GAREM1: variants seen among roughly 807,000 people sequenced by gnomAD.
GAREM1 encodes GRB2-associated and regulator of MAPK protein 1.
In GAREM1, 26 loss-of-function variants were observed where a neutral mutation model predicts 71.3. That is an observed-to-expected ratio of 0.36 (90% CI 0.27 to 0.51). The LOEUF is 0.51. Among genes scored for constraint, GAREM1 ranks in the 20% least tolerant of loss-of-function variants. The pLI, the probability that GAREM1 is intolerant of heterozygous loss-of-function variation, is 0.95. For missense variants in GAREM1, 1,026 were observed against 1,103.1 expected, an observed-to-expected ratio of 0.93 and a Z score of 0.99; for synonymous variants, 440 against 433.2, an observed-to-expected ratio of 1.02 and a Z score of -0.20.
At chr18:32,299,512 T>TAAAA (rs1453355255) in intron 3 of GAREM1, among the ~76,000 whole-genome samples, 1 of 43,532 alleles carries the variant, frequency 2.3e-5, no homozygotes, top group Non-Finnish European at 3.8e-5. Context: ...AGACCCCATC[T>TAAAA]CAAAAAAAAA....
chr18:32,345,190 C>T (rs555891908), intron 2 of GAREM1, among the ~76,000 whole-genome samples: 45 of 152,306 alleles, frequency 3.0e-4, no homozygotes, highest in African/African-American at 1.0e-3. Context: ...AGTTAGCTCT[C>T]AATTCTCCAA....
chr18:32,330,670 A>C (rs530738465), intron 2 of GAREM1, among the ~76,000 whole-genome samples: 18 of 138,844 alleles, frequency 1.3e-4, no homozygotes, highest in Non-Finnish European at 2.6e-4. Context: ...CAAAGAAAAA[A>C]GGCACAATAA....
chr18:32,284,979 G>A (rs1290202363), intron 4 of GAREM1, among the ~76,000 whole-genome samples: 1 of 151,926 alleles, frequency 6.6e-6, no homozygotes, highest in Non-Finnish European at 1.5e-5. Flanking sequence ...TCGATCTCCT[G>A]ACCTCATGAT....
chr18:32,442,392 G>C (rs1407227791), intron 1 of GAREM1, among the ~76,000 whole-genome samples: 3 of 152,090 alleles, frequency 2.0e-5, no homozygotes, highest in Non-Finnish European at 4.4e-5. Context: ...TGATATTTCA[G>C]GGTAGCAGAA....
intron 2 of GAREM1, among the ~76,000 whole-genome samples, chr18:32,348,665 A>G (rs1466087341): frequency 6.6e-6 from 1 of 152,192 alleles, no homozygotes; most frequent in Non-Finnish European, 1.5e-5. Flanking sequence ...CAGACGTTTC[A>G]GTGAGCAAGA....
chr18:32,452,565 G>A (rs2048850310), intron 1 of GAREM1, among the ~76,000 whole-genome samples: 1 of 152,152 alleles, frequency 6.6e-6, no homozygotes, highest in Admixed American at 6.5e-5. Flanking sequence ...CCTCTGGGCT[G>A]AAGCATTTCC....
chr18:32,285,527 C>T (rs1167102308), intron 4 of GAREM1, among the ~76,000 whole-genome samples: 1 of 152,204 alleles, frequency 6.6e-6, no homozygotes, highest in East Asian at 1.9e-4. Flanking sequence ...GCTCATGCTG[C>T]TCTGTCCGGA....
intron 1 of GAREM1, among the ~76,000 whole-genome samples, chr18:32,414,948 T>G (rs1168444670): frequency 1.3e-5 from 2 of 151,160 alleles, no homozygotes; most frequent in Non-Finnish European, 3.0e-5. Context: ...TAAACAAAAC[T>G]GACAAACCTT....
chr18:32,297,727 T>C (rs900814654), intron 3 of GAREM1, among the ~76,000 whole-genome samples: 2 of 152,232 alleles, frequency 1.3e-5, no homozygotes, highest in Non-Finnish European at 2.9e-5. Context: ...ATTCAAAATA[T>C]ACAATTTTAG....
intron 1 of GAREM1, among the ~76,000 whole-genome samples, chr18:32,434,370 T>C (rs896278447): frequency 2.6e-5 from 4 of 152,096 alleles, no homozygotes; most frequent in Non-Finnish European, 5.9e-5. Flanking sequence ...CTGTCACTAG[T>C]TGTAATAAGC....
At chr18:32,298,164 T>A (rs1259253579) in intron 3 of GAREM1, among the ~76,000 whole-genome samples, 1 of 152,194 alleles carries the variant, frequency 6.6e-6, no homozygotes, top group Non-Finnish European at 1.5e-5. Context: ...CCTACTCTCA[T>A]ACATAAAAAT....
intron 1 of GAREM1, among the ~76,000 whole-genome samples, chr18:32,427,062 C>A (rs2048582726): frequency 6.6e-6 from 1 of 151,574 alleles, no homozygotes; most frequent in African/African-American, 2.4e-5. Context: ...AAATTTTAAT[C>A]CATTCTATTC....
chr18:32,339,310 C>T (rs1188080690), intron 2 of GAREM1, among the ~76,000 whole-genome samples: 4 of 152,192 alleles, frequency 2.6e-5, no homozygotes, highest in African/African-American at 9.7e-5. Flanking sequence ...CTGATAAGTG[C>T]CTGGAAGAAG....
At chr18:32,464,848 C>G (rs1428160760) in intron 1 of GAREM1, among the ~76,000 whole-genome samples, 1 of 139,020 alleles carries the variant, frequency 7.2e-6, no homozygotes, top group Non-Finnish European at 1.6e-5. Context: ...ATGTAAGCAC[C>G]ACAAAGACAT....
chr18:32,285,776 C>T (rs1039866385), intron 4 of GAREM1, among the ~76,000 whole-genome samples: 5 of 152,132 alleles, frequency 3.3e-5, no homozygotes, highest in African/African-American at 1.2e-4. Flanking sequence ...CTGAGACGTA[C>T]GAGGGGATAG....
At chr18:32,349,706 G>A (rs2047729292) in intron 2 of GAREM1, among the ~76,000 whole-genome samples, 2 of 152,202 alleles carry the variant, frequency 1.3e-5, no homozygotes, top group Non-Finnish European at 2.9e-5. Flanking sequence ...TTCACCAACT[G>A]ATAAACTTTT....
At chr18:32,465,434 C>T (rs551439357) in intron 1 of GAREM1, among the ~76,000 whole-genome samples, 1 of 152,066 alleles carries the variant, frequency 6.6e-6, no homozygotes, top group Non-Finnish European at 1.5e-5. Flanking sequence ...GCTGCAGAAG[C>T]CTCTGAGCAC....
chr18:32,377,500 T>C (rs2048042282), intron 2 of GAREM1, among the ~76,000 whole-genome samples: 1 of 152,202 alleles, frequency 6.6e-6, no homozygotes, highest in African/African-American at 2.4e-5. Flanking sequence ...CACTTCCCTC[T>C]AAATGGCCAC....
intron 2 of GAREM1, among the ~76,000 whole-genome samples, chr18:32,337,467 G>C (rs1203213735): frequency 6.6e-6 from 1 of 152,238 alleles, no homozygotes; most frequent in South Asian, 2.1e-4. Flanking sequence ...CTGATAACTC[G>C]GTAATTCTGT....
Sources: allele counts gnomAD v4.1 joint callset (sites outside exome capture counted in the v4.1 genomes callset), GRCh38; gene constraint gnomAD v4.1.1; transcripts MANE v1.5; gene names NCBI Gene and HGNC (gene_info 2026-07-23, HGNC 2026-07-21).